Variants in ALOX5 observed in about 807,000 individuals in gnomAD.
The protein encoded by ALOX5 is polyunsaturated fatty acid 5-lipoxygenase.
In ALOX5, 64 loss-of-function variants were observed where a neutral mutation model predicts 87.9. The observed-to-expected ratio is 0.73, with a 90% CI of 0.60 to 0.90. ALOX5 has a LOEUF of 0.90. Among genes scored for constraint, ALOX5 ranks in the 40% least tolerant of loss-of-function variants. The pLI, the probability that ALOX5 is intolerant of heterozygous loss-of-function variation, is 0.00. For synonymous variants in ALOX5, 388 were observed against 355.1 expected, an observed-to-expected ratio of 1.09 and a Z score of -1.04; for missense variants, 822 against 907.5, an observed-to-expected ratio of 0.91 and a Z score of 1.21.
Position 45,443,794 on chromosome 10 carries a change from C to T in ALOX5, c.1640C>T (p.Ala547Val). 6.2e-7 allele frequency: 1 copy of T among 1,611,408 alleles called. No homozygotes were observed. Among genetic ancestry groups the T allele is most frequent in the Non-Finnish European group, 8.5e-7 (1 of 1,179,040 alleles). ...SEYLTVVIFT[A>V]SAQHAAVNFG... ...TACCTGACCGTGGTGATCTTCACCG[C>T]CTCCGCCCAGCACGCCGCGGTCAAC... Residue 547 changes from alanine (A) to valine (V), a missense_variant, in exon 12 of 14, where the codon GCC (alanine) becomes GTC (valine). Coordinates refer to ENST00000374391, the MANE Select transcript of ALOX5 (RefSeq NM_000698.5).
rs753473526 is a variant in ALOX5 at position 45,374,275 on chromosome 10, G to C, written c.-5G>C. 6.8e-7 allele frequency: 1 copy of C among 1,474,302 alleles called. No individual in the cohort carries two copies. Among genetic ancestry groups the C allele is most frequent in the Non-Finnish European group, 9.0e-7 (1 of 1,111,466 alleles). The allele number at this position is 1,474,302 out of a possible 1,614,324, so 91.3% of individuals were successfully genotyped here. On this transcript the variant is annotated 5_prime_UTR_variant, in exon 1 of 14. Coordinates refer to ENST00000374391, the MANE Select transcript of ALOX5 (RefSeq NM_000698.5). ...CCGGCGCTCGCTGCTCCCGCGGCCC[G>C]CGCCATGCCCTCCTACACGGTCACC...
At chr10:45,424,825 G>A in intron 5 of ALOX5, 135 bp from the exon 6 acceptor site, 1 of 1,037,756 alleles carries the variant, frequency 9.6e-7, no homozygotes, top group African/African-American at 1.6e-5. Flanking sequence ...GCAGCAGTTG[G>A]AGCTGTGCCC....
chr10:45,374,730 CCAA>C (rs1839530592), intron 1 of ALOX5, among the ~76,000 whole-genome samples: 1 of 152,178 alleles, frequency 6.6e-6, no homozygotes, highest in African/African-American at 2.4e-5. Flanking sequence ...AGGAGAAGGC[CCAA>C]GGTTTCCCCT....
intron 12 of ALOX5, 65 bp downstream of exon 12, chr10:45,443,893 C>T (rs1276540814): frequency 6.6e-7 from 1 of 1,513,714 alleles, no homozygotes; most frequent in East Asian, 2.5e-5. Context: ...TCCCCCGCCC[C>T]GGTTCTGCAC....
At chr10:45,424,809 C>T (rs1841637286) in intron 5 of ALOX5, 151 bp from the exon 6 acceptor site, 3 of 902,678 alleles carry the variant, frequency 3.3e-6, no homozygotes, top group Admixed American at 2.6e-5. Context: ...CAGTGATGGG[C>T]AGGGGGCAGC....
At position 45,417,946 on chromosome 10, in the gene ALOX5, C is replaced by T. The variant is rs914249234; in HGVS notation, c.554+5633C>T. Among the ~76,000 whole-genome samples, 6 of 152,172 alleles carry T rather than the reference C, an allele frequency of 3.9e-5. 1 individual carries two copies. The highest frequency in any genetic ancestry group is 3.9e-4 in the East Asian group (2 of 5,170). ...TCCCCTCCCCTGTACTCCCCAGTGC[C>T]GCCCACCCTGCCCTTGGCCCCAGAA... is the stretch of plus-strand genomic sequence containing the variant. On this transcript the variant is annotated intron_variant, in intron 4 of 13. Coordinates refer to ENST00000374391, the MANE Select transcript of ALOX5 (RefSeq NM_000698.5).
At chr10:45,424,248 G>A in intron 5 of ALOX5, 101 bp downstream of exon 5, 1 of 1,005,224 alleles carries the variant, frequency 9.9e-7, no homozygotes, top group Non-Finnish European at 1.6e-6. Flanking sequence ...CCTGCCTGCT[G>A]CAGCATGGGG....
In ALOX5 at chr10:45,444,224, C is replaced by T. The variant is rs1441615039; in HGVS notation, c.1783C>T (p.Arg595Cys). Residue 595 changes from arginine to cysteine, a missense_variant, in exon 13 of 14, where the codon CGC becomes TGC. Coordinates refer to ENST00000374391, the MANE Select transcript of ALOX5 (RefSeq NM_000698.5). ...GCAGATCGTGGACACGCTGCCCGAC[C>T]GCGGCCGCTCCTGCTGGCATCTGGG... ...IEQIVDTLPD[R>C]GRSCWHLGAV... 1.9e-6 allele frequency: 3 copies of T among 1,554,508 alleles called. No individual in the cohort carries two copies. Among genetic ancestry groups the T allele is most frequent in the South Asian group, 1.2e-5 (1 of 84,348 alleles).
At chr10:45,393,781 A>G (rs1311013940) in intron 2 of ALOX5, among the ~76,000 whole-genome samples, 1 of 152,266 alleles carries the variant, frequency 6.6e-6, no homozygotes, top group Non-Finnish European at 1.5e-5. Context: ...ATCAATGTGC[A>G]AGAATCACAA....
At chr10:45,430,347 A>G (rs1841865183) in intron 7 of ALOX5, among the ~76,000 whole-genome samples, 1 of 152,218 alleles carries the variant, frequency 6.6e-6, no homozygotes, top group Admixed American at 6.5e-5. Context: ...AGAGGATAGT[A>G]AATCCAAGAT....
At chr10:45,439,970 C>G (rs1842173939) in intron 7 of ALOX5, among the ~76,000 whole-genome samples, 1 of 152,126 alleles carries the variant, frequency 6.6e-6, no homozygotes, top group Non-Finnish European at 1.5e-5. Context: ...ACAGGAGCAC[C>G]AGGGCAGACC....
Position 45,428,779 on chromosome 10 carries a change from G to T in ALOX5, c.981+15G>T. 6.2e-7 allele frequency: 1 copy of T among 1,613,398 alleles called. No homozygotes were observed. Among genetic ancestry groups the T allele is most frequent in the Non-Finnish European group, 8.5e-7 (1 of 1,179,946 alleles). On this transcript the variant is annotated intron_variant, in intron 7 of 13. Coordinates refer to ENST00000374391, the MANE Select transcript of ALOX5 (RefSeq NM_000698.5). ...TTGCCATCCAGGTAGGCTGCTGGGG[G>T]GCACACCTTTCTGAGCAGCTCAGTC...
At chr10:45,423,782 CAT>C (rs1423607012) in intron 4 of ALOX5, among the ~76,000 whole-genome samples, 7 of 152,308 alleles carry the variant, frequency 4.6e-5, no homozygotes, top group Non-Finnish European at 8.8e-5. Flanking sequence ...TGAATGAACA[CAT>C]GTGTGAATGG....
Position 45,445,808 on chromosome 10 carries a change from C to A in ALOX5, c.*121C>A. ...ACATCTCTTCCTCCGAGGCCAGTAC[C>A]TTTCCATTTATTCTTTGATCTTCAG... On this transcript the variant is annotated 3_prime_UTR_variant, in exon 14 of 14. Coordinates refer to ENST00000374391, the MANE Select transcript of ALOX5 (RefSeq NM_000698.5). The A allele has an allele frequency of 9.2e-7, 1 of 1,091,816 alleles. No homozygotes were observed. Among genetic ancestry groups the A allele is most frequent in the South Asian group, 1.5e-5 (1 of 66,114 alleles). 67.6% of individuals were successfully genotyped at this position (1,091,816 alleles called of 1,614,324 possible). A position where few individuals can be genotyped will look rare whatever the true frequency, so the allele number is the denominator to read the frequency against.
At chr10:45,387,511 C>T (rs1840049993) in intron 2 of ALOX5, among the ~76,000 whole-genome samples, 1 of 152,148 alleles carries the variant, frequency 6.6e-6, no homozygotes, top group African/African-American at 2.4e-5. Flanking sequence ...TCTCCTGGAG[C>T]AAAAAGGCAG....
At chr10:45,418,016 TTGAGTGA>T (rs1841357999) in intron 4 of ALOX5, among the ~76,000 whole-genome samples, 1 of 152,164 alleles carries the variant, frequency 6.6e-6, no homozygotes, top group Non-Finnish European at 1.5e-5. Context: ...CATTAGCCCC[TTGAGTGA>T]TGGCCTATTG....
At chr10:45,409,941 T>C (rs983696156) in intron 3 of ALOX5, among the ~76,000 whole-genome samples, 2 of 152,264 alleles carry the variant, frequency 1.3e-5, no homozygotes, top group Admixed American at 6.5e-5. Context: ...TTTCTGCCCA[T>C]TGGTGCTGCC....
At chr10:45,417,928 C>T (rs1252843395) in intron 4 of ALOX5, among the ~76,000 whole-genome samples, 1 of 152,198 alleles carries the variant, frequency 6.6e-6, no homozygotes, top group Non-Finnish European at 1.5e-5. Flanking sequence ...AGGTCCCCTC[C>T]CCTGTACTCC....
intron 4 of ALOX5, among the ~76,000 whole-genome samples, chr10:45,422,734 G>A (rs1164026942): frequency 6.6e-6 from 1 of 152,220 alleles, no homozygotes; most frequent in Non-Finnish European, 1.5e-5. Context: ...TACACCCCAT[G>A]TGCGCAGTAA....
Sources: gnomAD v4.1 joint callset for allele counts (sites outside exome capture counted in the v4.1 genomes callset) on GRCh38, gnomAD v4.1.1 for gene constraint, MANE v1.5 for transcripts, NCBI Gene and HGNC (gene_info 2026-07-23, HGNC 2026-07-21) for gene names.